WWOX: variants seen among roughly 807,000 people sequenced by gnomAD.
WWOX encodes the protein WW domain containing oxidoreductase, also known as WW domain-containing oxidoreductase.
Under a neutral mutation model 46.2 loss-of-function variants are expected in WWOX, and 69 were observed. That is an observed-to-expected ratio of 1.49 (90% CI 1.23 to 1.82). The LOEUF (loss-of-function observed/expected upper bound fraction) is 1.82. Among genes scored for constraint, WWOX ranks in the 40% most tolerant of loss-of-function variants. The pLI is 0.00. For missense variants in WWOX, 919 were observed against 542.6 expected (o/e 1.69, Z -6.89); for synonymous variants, 359 against 202.6 (o/e 1.77, Z -6.56).
chr16:79,054,258 A>G (rs1036263816), intron 8 of WWOX, among the ~76,000 whole-genome samples: 3 of 152,216 alleles, frequency 2.0e-5, no homozygotes, highest in Admixed American at 2.0e-4. Context: ...TCAAGTGTCT[A>G]TACGATAGCT....
chr16:79,006,069 A>G (rs2047184445), intron 8 of WWOX, among the ~76,000 whole-genome samples: 1 of 152,144 alleles, frequency 6.6e-6, no homozygotes, highest in Admixed American at 6.5e-5. Flanking sequence ...CATATCAACA[A>G]GGCATGGTCA....
At chr16:78,756,003 C>G (rs185463901) in intron 8 of WWOX, among the ~76,000 whole-genome samples, 108 of 152,160 alleles carry the variant, frequency 7.1e-4, no homozygotes, top group African/African-American at 2.4e-3. Context: ...CTTGTATGAC[C>G]AAGTCTCTTG....
At chr16:78,441,499 C>T (rs149553964) in intron 8 of WWOX, among the ~76,000 whole-genome samples, 1 of 152,074 alleles carries the variant, frequency 6.6e-6, no homozygotes, top group African/African-American at 2.4e-5. Flanking sequence ...CCCAAGGTCC[C>T]CCAGGCTCAT....
At chr16:79,149,880 G>C (rs139451282) in intron 8 of WWOX, among the ~76,000 whole-genome samples, 524 of 152,248 alleles carry the variant, frequency 3.4e-3, no homozygotes, top group Admixed American at 6.3e-3. Flanking sequence ...CAGGGATTCA[G>C]ATAAGAGGGT....
At chr16:78,459,661 C>A (rs2083904988) in intron 8 of WWOX, among the ~76,000 whole-genome samples, 1 of 152,078 alleles carries the variant, frequency 6.6e-6, no homozygotes, top group East Asian at 1.9e-4. Context: ...TGATGTTTGC[C>A]AATGGATATT....
At chr16:78,491,709 G>A (rs1224304083) in intron 8 of WWOX, among the ~76,000 whole-genome samples, 3 of 152,150 alleles carry the variant, frequency 2.0e-5, no homozygotes, top group African/African-American at 4.8e-5. Context: ...ATCAAAATGG[G>A]AATCACTGAC....
intron 8 of WWOX, among the ~76,000 whole-genome samples, chr16:78,740,250 C>G (rs16948425): frequency 0.021 from 3,209 of 152,240 alleles, 107 homozygotes; most frequent in African/African-American, 0.073. Context: ...GGCGTTCTTA[C>G]AATGCTGATG....
At chr16:78,801,548 G>A (rs1173192367) in intron 8 of WWOX, among the ~76,000 whole-genome samples, 1 of 152,122 alleles carries the variant, frequency 6.6e-6, no homozygotes, top group South Asian at 2.1e-4. Flanking sequence ...TTCCGATGAG[G>A]ATATTTATCC....
chr16:78,723,315 C>T (rs183130895), intron 8 of WWOX, among the ~76,000 whole-genome samples: 111 of 152,242 alleles, frequency 7.3e-4, no homozygotes, highest in Non-Finnish European at 9.6e-4. Context: ...TGGTCTCTTG[C>T]CTTGGGGTCA....
intron 8 of WWOX, among the ~76,000 whole-genome samples, chr16:78,863,388 T>C (rs1160603784): frequency 6.6e-6 from 1 of 152,228 alleles, no homozygotes; most frequent in African/African-American, 2.4e-5. Flanking sequence ...CCTTGATGAA[T>C]GGACCCTGAG....
At chr16:78,610,359 T>A (rs897971143) in intron 8 of WWOX, among the ~76,000 whole-genome samples, 1 of 152,216 alleles carries the variant, frequency 6.6e-6, no homozygotes, top group Non-Finnish European at 1.5e-5. Flanking sequence ...ACTATTCATG[T>A]GTAAGAATAT....
At chr16:79,163,017 A>T (rs58117090) in intron 8 of WWOX, among the ~76,000 whole-genome samples, 1 of 152,364 alleles carries the variant, frequency 6.6e-6, no homozygotes, top group South Asian at 2.1e-4. Flanking sequence ...GCGCCTTTCA[A>T]CAGTCACATG....
chr16:79,107,036 C>G (rs1027591863), intron 8 of WWOX, among the ~76,000 whole-genome samples: 1 of 152,088 alleles, frequency 6.6e-6, no homozygotes, highest in Non-Finnish European at 1.5e-5. Flanking sequence ...GTCTCGATCT[C>G]CTGACCTCAG....
rs575605246 is a variant in WWOX, at chr16:78,138,076, C to G, written c.409+22922C>G. On this transcript the variant is annotated intron_variant, in intron 4 of 8. Transcript: ENST00000566780. ...GCAATGAGGAAAGTTGTCTAGCAGA[C>G]TGTTCTTGGCCAACTGTCTAAATGG... Among the ~76,000 whole-genome samples, 285 of 150,758 alleles carry G rather than the reference C, an allele frequency of 1.9e-3. 9 individuals are homozygous for G. Among genetic ancestry groups the G allele is most frequent in the African/African-American group, 6.8e-3 (277 of 40,848 alleles).
intron 8 of WWOX, among the ~76,000 whole-genome samples, chr16:78,693,237 A>C (rs2048029519): frequency 6.6e-6 from 1 of 152,092 alleles, no homozygotes. Flanking sequence ...GTTTATCTCC[A>C]CCTCATGGTT....
chr16:78,990,447 A>G (rs1983093), intron 8 of WWOX, among the ~76,000 whole-genome samples: 130,986 of 152,060 alleles, frequency 0.86, 56,485 homozygotes, highest in Middle Eastern at 0.91. Flanking sequence ...GGATTTCCAG[A>G]GTCCGGAGCT....
At chr16:78,123,428 G>GTTTTTTTTTTTTTTTTTTTTTTTT (rs1330107026) in intron 4 of WWOX, 1 of 61,050 alleles carries the variant, frequency 1.6e-5, no homozygotes, top group Admixed American at 1.7e-4. Flanking sequence ...TTTTTTCTTT[G>GTTTTTTTTTTTTTTTTTTTTTTTT]TTTTTTGTTT....
intron 8 of WWOX, among the ~76,000 whole-genome samples, chr16:78,769,528 ACATTATTTAT>A (rs2050012056): frequency 6.2e-5 from 1 of 16,160 alleles, no homozygotes; most frequent in African/African-American, 2.5e-4. Context: ...CCCACCCCCC[ACATTATTTAT>A]TTATTTATTT....
intron 8 of WWOX, among the ~76,000 whole-genome samples, chr16:79,187,064 C>T (rs1269484207): frequency 6.6e-6 from 1 of 152,158 alleles, no homozygotes; most frequent in African/African-American, 2.4e-5. Flanking sequence ...AGTAGAATGA[C>T]TCTTTGGGTA....
Sources: gnomAD v4.1 joint callset for allele counts (sites outside exome capture counted in the v4.1 genomes callset) on GRCh38, gnomAD v4.1.1 for gene constraint, MANE v1.5 for transcripts, NCBI Gene and HGNC (gene_info 2026-07-23, HGNC 2026-07-21) for gene names.